PDE4D: variants seen among roughly 807,000 people sequenced by gnomAD.
PDE4D encodes phosphodiesterase 4D.
In PDE4D, 24 loss-of-function variants were observed where a neutral mutation model predicts 87.4. That is an observed-to-expected ratio of 0.27 (90% CI 0.20 to 0.39). The LOEUF is 0.39. PDE4D is among the 10% of genes least tolerant of loss of function. PDE4D has a pLI of 1.00. For missense variants in PDE4D, 714 were observed against 1,041.0 expected, an observed-to-expected ratio of 0.69 and a Z score of 4.32; for synonymous variants, 384 against 383.2, an observed-to-expected ratio of 1.00 and a Z score of -0.02.
At chr5:60,197,964 G>A (rs16877750) in intron 1 of PDE4D, among the ~76,000 whole-genome samples, 2,422 of 149,724 alleles carry the variant, frequency 0.016, 72 homozygotes, top group African/African-American at 0.056. Flanking sequence ...AATTTCTAAC[G>A]AATGATAAAG....
intron 3 of PDE4D, among the ~76,000 whole-genome samples, chr5:59,949,012 G>A (rs1029522338): frequency 1.3e-5 from 2 of 152,154 alleles, no homozygotes; most frequent in Non-Finnish European, 2.9e-5. Context: ...ACTCATCCAG[G>A]ATTATACTGC....
chr5:59,372,532 A>C (rs1582214268), intron 1 of PDE4D, among the ~76,000 whole-genome samples: 1 of 152,228 alleles, frequency 6.6e-6, no homozygotes, highest in East Asian at 1.9e-4. Context: ...AATTATTTGA[A>C]AAGTAAACAC....
At chr5:59,450,626 T>C (rs2153640070) in intron 1 of PDE4D, among the ~76,000 whole-genome samples, 1 of 152,336 alleles carries the variant, frequency 6.6e-6, no homozygotes, top group Admixed American at 6.5e-5. Context: ...GTCCTTCTTC[T>C]TTCTTCTCAA....
chr5:60,122,261 C>T (rs1405907589), intron 2 of PDE4D, among the ~76,000 whole-genome samples: 1 of 152,180 alleles, frequency 6.6e-6, no homozygotes, highest in African/African-American at 2.4e-5. Flanking sequence ...GCCCTCTTCT[C>T]ATAGCTCCAC....
chr5:59,163,107 CTT>C (rs534025246), intron 5 of PDE4D, among the ~76,000 whole-genome samples: 24 of 129,820 alleles, frequency 1.8e-4, no homozygotes, highest in African/African-American at 2.9e-4. Context: ...TGCCTGGCTA[CTT>C]TTTTTTTTTT....
chr5:58,993,873 T>C (rs1283391369), intron 6 of PDE4D, among the ~76,000 whole-genome samples: 3 of 152,138 alleles, frequency 2.0e-5, no homozygotes, highest in Non-Finnish European at 4.4e-5. Flanking sequence ...TTAAGATGTA[T>C]TATTAGTTAT....
At chr5:59,616,275 G>A (rs1829655865) in intron 1 of PDE4D, among the ~76,000 whole-genome samples, 1 of 151,978 alleles carries the variant, frequency 6.6e-6, no homozygotes, top group African/African-American at 2.4e-5. Flanking sequence ...TTTTTATTAA[G>A]ATTTACAATG....
At chr5:60,487,021 A>G (rs1749199225) in intron 1 of PDE4D, among the ~76,000 whole-genome samples, 1 of 152,260 alleles carries the variant, frequency 6.6e-6, no homozygotes, top group Non-Finnish European at 1.5e-5. Context: ...ATAATGATTT[A>G]AAAGCAAACA....
intron 5 of PDE4D, among the ~76,000 whole-genome samples, chr5:59,141,388 A>C (rs1279876405): frequency 6.6e-6 from 1 of 152,218 alleles, no homozygotes; most frequent in Non-Finnish European, 1.5e-5. Flanking sequence ...GAAGTGAAAT[A>C]GTTTTTCCAG....
At chr5:60,398,170 A>C (rs1763017846) in intron 1 of PDE4D, among the ~76,000 whole-genome samples, 1 of 152,216 alleles carries the variant, frequency 6.6e-6, no homozygotes, top group South Asian at 2.1e-4. Flanking sequence ...CCAGCTGGGA[A>C]GACCTCCTAT....
intron 1 of PDE4D, among the ~76,000 whole-genome samples, chr5:60,419,421 TAAG>T: frequency 6.6e-6 from 1 of 151,338 alleles, no homozygotes; most frequent in African/African-American, 2.4e-5. Context: ...GTGAGGAAAA[TAAG>T]AAGAGGGAGA....
chr5:60,160,677 C>T (rs1782397836), intron 2 of PDE4D: 1 of 248,402 alleles, frequency 4.0e-6, no homozygotes, highest in Non-Finnish European at 8.1e-6. Context: ...TCCAAATCTG[C>T]TGTTTCCTCA....
At chr5:59,710,350 G>T (rs921363226) in intron 1 of PDE4D, among the ~76,000 whole-genome samples, 1 of 152,070 alleles carries the variant, frequency 6.6e-6, no homozygotes, top group African/African-American at 2.4e-5. Flanking sequence ...ATCAACAAAA[G>T]CTTCTGAAGC....
At chr5:60,141,039 T>A (rs58818702) in intron 2 of PDE4D, among the ~76,000 whole-genome samples, 1 of 152,194 alleles carries the variant, frequency 6.6e-6, no homozygotes, top group African/African-American at 2.4e-5. Context: ...ATTATAATTA[T>A]CAGCTCTTTT....
chr5:58,990,924 G>T, intron 8 of PDE4D, 22 bp from the exon 9 acceptor site: 9 of 1,092,746 alleles, frequency 8.2e-6, no homozygotes, highest in Non-Finnish European at 1.2e-5. Context: ...AAAAAAAAAA[G>T]ATACTAAAAT....
Position 59,836,668 on chromosome 5 carries a change from C to T in PDE4D, c.455+56500G>A, listed in dbSNP as rs1238931895. Among the ~76,000 whole-genome samples, 778 of 124,806 alleles carry T rather than the reference C, an allele frequency of 6.2e-3. 9 individuals are homozygous for T. Among genetic ancestry groups the T allele is most frequent in the African/African-American group, 0.026 (615 of 23,250 alleles). The allele number at this position is 124,806 out of a possible 152,430, so 81.9% of individuals were successfully genotyped here. A position where few individuals can be genotyped will look rare whatever the true frequency, so the allele number is the denominator to read the frequency against. The stretch of plus-strand genomic sequence containing the variant: ...TATCTATCTATCTATCATCTATCTA[C>T]CTATCTATCTATCTACCTATCTATC... On this transcript the variant is annotated intron_variant, in intron 1 of 14. Transcript: ENST00000340635.
At chr5:60,162,500 C>A (rs1463637449) in intron 2 of PDE4D, among the ~76,000 whole-genome samples, 1 of 152,036 alleles carries the variant, frequency 6.6e-6, no homozygotes, top group Non-Finnish European at 1.5e-5. Context: ...TTGTGTATTT[C>A]TTTTATTCTT....
chr5:60,357,532 G>A (rs1354337993), intron 1 of PDE4D, among the ~76,000 whole-genome samples: 1 of 152,058 alleles, frequency 6.6e-6, no homozygotes, highest in African/African-American at 2.4e-5. Flanking sequence ...TGGGACTAGA[G>A]CCTGATTTTT....
chr5:59,857,872 G>A (rs534347163), intron 1 of PDE4D, among the ~76,000 whole-genome samples: 1 of 141,486 alleles, frequency 7.1e-6, no homozygotes, highest in South Asian at 2.4e-4. Context: ...GCAGAAGGAA[G>A]GAAGGTGGGA....
Sources: gnomAD v4.1 joint callset for allele counts (sites outside exome capture counted in the v4.1 genomes callset) on GRCh38, gnomAD v4.1.1 for gene constraint, MANE v1.5 for transcripts, NCBI Gene and HGNC (gene_info 2026-07-23, HGNC 2026-07-21) for gene names.